The following RGL4 variants were observed in gnomAD, a reference collection of about 807,000 sequenced individuals.
RGL4 encodes ral-GDS-related protein.
A neutral mutation model predicts 49.6 loss-of-function variants in RGL4; 41 were observed. That is an observed-to-expected ratio of 0.83 (90% confidence interval 0.64 to 1.07). RGL4 has a LOEUF of 1.07. Among genes scored for constraint, RGL4 ranks in the 50% least tolerant of loss-of-function variants. The pLI is 0.00. For synonymous variants in RGL4, 255 were observed against 238.0 expected (o/e 1.07, Z -0.66); for missense variants, 610 against 591.9 (o/e 1.03, Z -0.32).
chr22:23,695,016 C>A lies in RGL4; in HGVS notation c.1083C>A (p.Ile361=). The change falls in exon 6 of 11, where the codon ATC becomes ATA. Residue 361 remains isoleucine, a synonymous_variant. Transcript: ENST00000290691. ...CTGCAGTGAAGAGGGACCTACTGATCAAGGTACAGTGGAGTCTGGGAGATG... is the reference window on the plus strand; with the variant it reads ...CTGCAGTGAAGAGGGACCTACTGATAAAGGTACAGTGGAGTCTGGGAGATG... ...KDTAVKRDLL[I]KAGSFKVATQ... 1.2e-6 allele frequency: 2 copies of A among 1,609,650 alleles called. No homozygotes were observed. Among genetic ancestry groups the A allele is most frequent in the South Asian group, 1.1e-5 (1 of 90,924 alleles).
intron 5 of RGL4, 92 bp downstream of exon 5, chr22:23,694,542 T>C: frequency 2.2e-6 from 2 of 896,040 alleles, no homozygotes; most frequent in Non-Finnish European, 3.6e-6. Flanking sequence ...GAAAGGTTCT[T>C]GGAGTCCAGG....
rs199834168 is a variant in RGL4 at position 23,692,943 on chromosome 22, G to A, written c.648G>A (p.Thr216=). ...CCAGTGAGGAGCTGCCTGACATGAC[G>A]ACCTTCCCTCCCAGGCTGCTGGCAG... ...NQPSEELPDM[T]TFPPRLLAEQ... Residue 216 remains threonine (T), a synonymous_variant, in exon 3 of 11, where the codon ACG becomes ACA. Transcript: ENST00000290691. 24 of 1,612,636 alleles carry A rather than the reference G, an allele frequency of 1.5e-5. No homozygotes were observed. In the South Asian group the frequency reaches 2.0e-4, roughly 13 times the overall value.
At position 23,698,217 on chromosome 22, in the gene RGL4, C is replaced by G. The variant is rs61759899; in HGVS notation, c.1266C>G (p.Val422=). The change falls in exon 10 of 11, where the codon GTC becomes GTG. Residue 422 remains valine, a synonymous_variant. Transcript: ENST00000290691. ...ATCCTGTCCTCTGTCTCTAGGAGGTCCGAGTTCTGCAGGAAATGCAGCTGC... is the reference window on the plus strand; with the variant it reads ...ATCCTGTCCTCTGTCTCTAGGAGGTGCGAGTTCTGCAGGAAATGCAGCTGC... The part of the protein sequence containing the change: ...DGNTNKRSKE[V]RVLQEMQLLQ... 8 of 1,605,482 alleles carry G rather than the reference C, an allele frequency of 5.0e-6. No individual in the cohort carries two copies. Among genetic ancestry groups the G allele is most frequent in the Non-Finnish European group, 6.8e-6 (8 of 1,173,162 alleles).
intron 3 of RGL4, among the ~76,000 whole-genome samples, chr22:23,693,423 T>C (rs1923270452): frequency 6.6e-6 from 1 of 152,122 alleles, no homozygotes; most frequent in South Asian, 2.1e-4. Context: ...AGAGGAGTAG[T>C]AGAGGGCTGA....
rs763475310 is a variant in RGL4 at position 23,697,205 on chromosome 22, A to G, written c.1196A>G (p.Glu399Gly). The G allele has an allele frequency of 1.9e-6, 3 of 1,613,364 alleles. No homozygotes were observed. Among genetic ancestry groups the G allele is most frequent in the South Asian group, 1.1e-5 (1 of 91,028 alleles). ...VVPFLGDFLT[E>G]LQRLDSAIPD... The stretch of plus-strand genomic sequence containing the variant: ...CCCTTCCTGGGGGATTTTCTGACTG[A>G]GTTACAGAGGCTGGATTCGGCCATC... The change falls in exon 8 of 11, where the codon GAG becomes GGG. Residue 399 changes from glutamate (E) to glycine (G), a missense_variant. Physicochemically the swap from Glu to Gly is moderately conservative, Grantham distance 98 (BLOSUM62 -2). Transcript: ENST00000290691.
intron 9 of RGL4, 26 bp downstream of exon 9, chr22:23,697,887 G>C: frequency 6.2e-7 from 1 of 1,600,268 alleles, no homozygotes; most frequent in Non-Finnish European, 8.5e-7. Context: ...ACTCACGTTG[G>C]ATGAGGGTGG....
rs1923306387 is a variant in RGL4, at chr22:23,693,820, TG to T, written c.759del (p.Lys254ArgfsTer34). ...GGCTGCATCTGGGGCCAAGGACATCTGAAGGGGAATGAGCACATGGCACCCA... is the reference window on the plus strand; with the variant it reads ...GGCTGCATCTGGGGCCAAGGACATCTAAGGGGAATGAGCACATGGCACCCA... The part of the protein sequence containing the change: ...CLGCIWGQGH[L>X]KGNEHMAPTV... On this transcript the variant is annotated frameshift_variant, in exon 4 of 11. Coordinates refer to ENST00000290691, the MANE Select transcript of RGL4 (RefSeq NM_153615.2). LOFTEE classifies it high-confidence loss of function. The T allele has an allele frequency of 1.2e-6, 2 of 1,613,996 alleles. No homozygotes were observed. The highest frequency in any genetic ancestry group is 1.7e-6 in the Non-Finnish European group (2 of 1,180,042).
At chr22:23,698,182 C>T (rs1569121367) in intron 9 of RGL4, 30 bp from the exon 10 acceptor site, 1 of 1,587,890 alleles carries the variant, frequency 6.3e-7, no homozygotes, top group Non-Finnish European at 8.6e-7. Context: ...TCCACCCAGG[C>T]CCTGTCAGCA....
Position 23,692,256 on chromosome 22 carries a change from C to G in RGL4, c.179+47C>G, listed in dbSNP as rs971001874. 3.1e-6 allele frequency: 5 copies of G among 1,607,476 alleles called. No homozygotes were observed. In the African/African-American group the frequency reaches 6.7e-5, roughly 21 times the overall value. On this transcript the variant is annotated intron_variant, in intron 1 of 10. Coordinates refer to ENST00000290691, the MANE Select transcript of RGL4 (RefSeq NM_153615.2). ...CACTGGCAGCAACAGGCCAGGGACC[C>G]AGAACCACGCAGGGGTGCCCTGGAG...
In RGL4 at chr22:23,694,444, T is replaced by G; in HGVS notation, c.1010T>G (p.Val337Gly). ...IGQLHKTWAG[V>G]SSKSMKELKE... ...CAGCTACACAAGACGTGGGCAGGAGTGTCCAGGTGAGGAGGGCTCTCTCCA... is the reference window on the plus strand; with the variant it reads ...CAGCTACACAAGACGTGGGCAGGAGGGTCCAGGTGAGGAGGGCTCTCTCCA... The change falls in exon 5 of 11, where the codon GTG (valine) becomes GGG (glycine). Residue 337 changes from valine (V) to glycine (G), a missense_variant. Coordinates refer to ENST00000290691, the MANE Select transcript of RGL4 (RefSeq NM_153615.2). 1.2e-6 allele frequency: 2 copies of G among 1,611,220 alleles called. No individual in the cohort carries two copies. Among genetic ancestry groups the G allele is most frequent in the South Asian group, 2.2e-5 (2 of 90,976 alleles).
Position 23,699,004 on chromosome 22 carries a change from A to C in RGL4, c.*121A>C. 1 of 1,552,774 alleles carries C rather than the reference A, an allele frequency of 6.4e-7. No homozygotes were observed. The highest frequency in any genetic ancestry group is 1.2e-5 in the South Asian group (1 of 84,128). On this transcript the variant is annotated 3_prime_UTR_variant, in exon 11 of 11. Transcript: ENST00000290691. ...ACCACATCTAGGAGGCTGGCAGCTC[A>C]GCTGCATCTTGCCCTGGATCCTCAT...
In RGL4 at chr22:23,692,917, C is replaced by T. The variant is rs1337654414; in HGVS notation, c.622C>T (p.Pro208Ser). 1.2e-6 allele frequency: 2 copies of T among 1,613,472 alleles called. No individual in the cohort carries two copies. Among genetic ancestry groups the T allele is most frequent in the African/African-American group, 2.7e-5 (2 of 75,064 alleles). ...CTGTCGTGGGTCTGTAAAGAACCAACCCAGTGAGGAGCTGCCTGACATGAC... is the reference window on the plus strand; with the variant it reads ...CTGTCGTGGGTCTGTAAAGAACCAATCCAGTGAGGAGCTGCCTGACATGAC... Reference protein sequence around the residue: ...CPCRGSVKNQPSEELPDMTTF... With the variant: ...CPCRGSVKNQSSEELPDMTTF... The change falls in exon 3 of 11, where the codon CCC (proline) becomes TCC (serine). Residue 208 changes from proline (P) to serine (S), a missense_variant. Pro to Ser is a moderately conservative substitution (Grantham distance 74). Coordinates refer to ENST00000290691, the MANE Select transcript of RGL4 (RefSeq NM_153615.2).
At chr22:23,697,113 T>C in intron 7 of RGL4, 58 bp from the exon 8 acceptor site, 11 of 1,330,448 alleles carry the variant, frequency 8.3e-6, no homozygotes, top group Non-Finnish European at 1.1e-5. Context: ...GGCAGGCACC[T>C]GAGGGCCAAT....
chr22:23,696,504 C>A lies in RGL4; in HGVS notation c.1087-110C>A. On this transcript the variant is annotated intron_variant, in intron 6 of 10. Coordinates refer to ENST00000290691, the MANE Select transcript of RGL4 (RefSeq NM_153615.2). ...TGGATCTGGGCCAGTGGTATGAGCA[C>A]GGTGCCAGGTGGCTCCCGCCACTCC... 7 of 1,576,606 alleles carry A rather than the reference C, an allele frequency of 4.4e-6. No individual in the cohort carries two copies. In the South Asian group the frequency reaches 6.9e-5, roughly 16 times the overall value.
chr22:23,698,619 C>A, intron 10 of RGL4: 3 of 736,658 alleles, frequency 4.1e-6, no homozygotes, highest in Non-Finnish European at 4.8e-6. Context: ...CCACCCACCT[C>A]AGCCTCCCAA....
Position 23,692,678 on chromosome 22 carries a change from C to T in RGL4, c.383C>T (p.Pro128Leu), listed in dbSNP as rs1404226406. The change falls in exon 3 of 11, where the codon CCA (proline) becomes CTA (leucine). Residue 128 changes from proline to leucine, a missense_variant. Physicochemically the swap from Pro to Leu is moderately conservative, Grantham distance 98. Transcript: ENST00000290691. ...PNEAKPDDPA[P>L]RPGQHALTMP... The stretch of plus-strand genomic sequence containing the variant: ...TTTTCTCCTTTTCCAGATCCTGCTC[C>T]ACGTCCTGGGCAACACGCATTAACA... The T allele has an allele frequency of 1.3e-6, 2 of 1,595,308 alleles. No homozygotes were observed. Among genetic ancestry groups the T allele is most frequent in the Non-Finnish European group, 1.7e-6 (2 of 1,167,926 alleles).
rs1923732912 is a variant in RGL4, at chr22:23,699,112, A to G, written c.*229A>G. 2 of 1,517,104 alleles carry G rather than the reference A, an allele frequency of 1.3e-6. No individual in the cohort carries two copies. The highest frequency in any genetic ancestry group is 1.8e-6 in the Non-Finnish European group (2 of 1,135,990). 94.0% of individuals were successfully genotyped at this position (1,517,104 alleles called of 1,614,324 possible). A position where few individuals can be genotyped will look rare whatever the true frequency, so the allele number is the denominator to read the frequency against. On this transcript the variant is annotated 3_prime_UTR_variant, in exon 11 of 11. Transcript: ENST00000290691. ...AGACCATTTTATGTTTATTTTCTTT[A>G]GTGTATAAGTAAGGGTTTTTTCTTA...
chr22:23,692,686 G>A lies in RGL4; in HGVS notation c.391G>A (p.Gly131Arg). The A allele has an allele frequency of 6.2e-7, 1 of 1,606,988 alleles. No individual in the cohort carries two copies. The highest frequency in any genetic ancestry group is 8.5e-7 in the Non-Finnish European group (1 of 1,175,862). The part of the protein sequence containing the change: ...AKPDDPAPRP[G>R]QHALTMPALE... ...TTTTCCAGATCCTGCTCCACGTCCT[G>A]GGCAACACGCATTAACAATGCCGGC... is the stretch of plus-strand genomic sequence containing the variant. Residue 131 changes from glycine (G) to arginine (R), a missense_variant, in exon 3 of 11, where the codon GGG (glycine) becomes AGG (arginine). By Grantham distance (125) the Gly-to-Arg change is moderately radical. Transcript: ENST00000290691.
chr22:23,694,062 A>T (rs77127695), intron 4 of RGL4, 88 bp downstream of exon 4: 8 of 1,217,300 alleles, frequency 6.6e-6, no homozygotes, highest in Non-Finnish European at 8.3e-6. Context: ...CGGCATCTGT[A>T]TCTCTGGCCT....
Sources: gnomAD v4.1 joint callset for allele counts (sites outside exome capture counted in the v4.1 genomes callset) on GRCh38, gnomAD v4.1.1 for gene constraint, MANE v1.5 for transcripts, NCBI Gene and HGNC (gene_info 2026-07-23, HGNC 2026-07-21) for gene names.